GABRA3: variants seen among roughly 807,000 people sequenced by gnomAD.
GABRA3 encodes the protein gamma-aminobutyric acid type A receptor subunit alpha3.
A neutral mutation model predicts 30.1 loss-of-function variants in GABRA3; 10 were observed. That is an observed-to-expected ratio of 0.33 (90% CI 0.20 to 0.56). The LOEUF (loss-of-function observed/expected upper bound fraction) is 0.56, where lower values mean the gene tolerates loss of function less well. Ranked by LOEUF, GABRA3 falls within the 20% of genes least tolerant of loss-of-function variation. The probability of loss-of-function intolerance (pLI) is 0.89; values close to 1 mark genes in which losing one functional copy is unlikely to be tolerated. For synonymous variants in GABRA3, 151 were observed against 146.8 expected (o/e 1.03, Z -0.21); for missense variants, 233 against 392.0 (o/e 0.59, Z 3.42).
chrX:152,240,637 A>C (rs904632283), intron 5 of GABRA3, among the ~76,000 whole-genome samples: 3 of 98,184 alleles, frequency 3.1e-5, no homozygotes, highest in African/African-American at 1.3e-4. Flanking sequence ...TACATCAATC[A>C]GACGTAGATT....
chrX:152,447,006 T>A (rs1931104590), intron 1 of GABRA3, among the ~76,000 whole-genome samples: 1 of 111,816 alleles, frequency 8.9e-6, no homozygotes, highest in Admixed American at 9.5e-5. Flanking sequence ...TCTTCAAAGC[T>A]CATTTCAAAT....
At chrX:152,285,563 C>A (rs751715486) in intron 3 of GABRA3, among the ~76,000 whole-genome samples, 2 of 111,992 alleles carry the variant, frequency 1.8e-5, no homozygotes, top group East Asian at 5.6e-4. Context: ...TCTCATCACA[C>A]ACCACATATT....
chrX:152,253,512 C>T (rs1938589736), intron 5 of GABRA3, among the ~76,000 whole-genome samples: 1 of 111,824 alleles, frequency 8.9e-6, no homozygotes, highest in Admixed American at 9.5e-5. Context: ...CACAACTCCT[C>T]CTCTCTGTCA....
chrX:152,293,309 C>A (rs1389410749), intron 3 of GABRA3, among the ~76,000 whole-genome samples: 1 of 111,568 alleles, frequency 9.0e-6, no homozygotes, highest in Non-Finnish European at 1.9e-5. Context: ...TATGTAATGG[C>A]CTTCTTTGTC....
chrX:152,250,483 T>C (rs1406701118), intron 5 of GABRA3: 4 of 111,780 alleles, frequency 3.6e-5, no homozygotes, highest in African/African-American at 1.3e-4. Flanking sequence ...TTATGCAACA[T>C]TTATATACAA....
intron 9 of GABRA3, among the ~76,000 whole-genome samples, chrX:152,174,909 G>A (rs1195407939): frequency 8.9e-6 from 1 of 112,030 alleles, no homozygotes; most frequent in Non-Finnish European, 1.9e-5. Context: ...TTCTTCTGGG[G>A]TTTTTATGGT....
At chrX:152,347,487 G>A (rs1315927440) in intron 2 of GABRA3, among the ~76,000 whole-genome samples, 1 of 111,621 alleles carries the variant, frequency 9.0e-6, no homozygotes, top group Non-Finnish European at 1.9e-5. Context: ...TAATTGGATT[G>A]TTTTTAACAC....
intron 6 of GABRA3, among the ~76,000 whole-genome samples, chrX:152,218,243 T>C (rs1203781799): frequency 9.0e-6 from 1 of 110,552 alleles, no homozygotes; most frequent in Non-Finnish European, 1.9e-5. Context: ...AGGAGGGGAA[T>C]GTGTTGTTCG....
chrX:152,441,071 A>G (rs1930917654), intron 1 of GABRA3, among the ~76,000 whole-genome samples: 1 of 110,684 alleles, frequency 9.0e-6, no homozygotes, highest in Admixed American at 9.6e-5. Flanking sequence ...AATTGTAGGT[A>G]GAAGAAAAGA....
intron 4 of GABRA3, among the ~76,000 whole-genome samples, chrX:152,270,166 T>C (rs1010192560): frequency 9.0e-6 from 1 of 111,718 alleles, no homozygotes; most frequent in Non-Finnish European, 1.9e-5. Context: ...CCATGTGTCG[T>C]GGGAGGTAAT....
intron 1 of GABRA3, among the ~76,000 whole-genome samples, chrX:152,410,345 AT>A (rs1930039050): frequency 9.0e-6 from 1 of 111,359 alleles, no homozygotes; most frequent in Admixed American, 9.6e-5. Flanking sequence ...TTTATCGTGT[AT>A]TTTTAAATAA....
intron 1 of GABRA3, among the ~76,000 whole-genome samples, chrX:152,402,279 T>C (rs1025131365): frequency 8.9e-6 from 1 of 111,900 alleles, no homozygotes; most frequent in African/African-American, 3.3e-5. Context: ...CTTAAGCCAA[T>C]GCTTATCCCT....
intron 1 of GABRA3, among the ~76,000 whole-genome samples, chrX:152,385,980 GT>G (rs1423708185): frequency 9.1e-6 from 1 of 110,491 alleles, no homozygotes; most frequent in Non-Finnish European, 1.9e-5. Flanking sequence ...GTACCATGCT[GT>G]TTTGGTTACT....
chrX:152,314,163 G>T (rs754163244), intron 3 of GABRA3, among the ~76,000 whole-genome samples: 121 of 111,684 alleles, frequency 1.1e-3, no homozygotes, highest in African/African-American at 3.8e-3. Context: ...CACAATCAGA[G>T]TATTTGTCTT....
At chrX:152,190,094 A>G (rs1478912531) in intron 8 of GABRA3, among the ~76,000 whole-genome samples, 153 bp from the exon 9 acceptor site, 2 of 111,534 alleles carry the variant, frequency 1.8e-5, no homozygotes, top group African/African-American at 6.5e-5. Flanking sequence ...ACACTGGACT[A>G]TCAAATCTGA....
intron 5 of GABRA3, among the ~76,000 whole-genome samples, chrX:152,236,366 T>G (rs1237408577): frequency 4.9e-5 from 5 of 102,727 alleles, no homozygotes; most frequent in Admixed American, 1.1e-4. Flanking sequence ...GGTGTATATG[T>G]GCCACATTTT....
chrX:152,225,692 A>G (rs748074100), intron 5 of GABRA3, among the ~76,000 whole-genome samples: 1 of 100,674 alleles, frequency 9.9e-6, no homozygotes, highest in East Asian at 3.1e-4. Flanking sequence ...TTTTTTTTTT[A>G]TTTTTTTCAA....
chrX:152,318,430 A>G (rs191032254), intron 3 of GABRA3, among the ~76,000 whole-genome samples: 8 of 112,034 alleles, frequency 7.1e-5, no homozygotes, highest in African/African-American at 2.6e-4. Flanking sequence ...TATTGACACT[A>G]TTTAACAAGA....
rs191790197 is a variant in GABRA3 at position 152,312,968 on chromosome X, T to C, written c.263-28233A>G. Among the ~76,000 whole-genome samples the C allele has an allele frequency of 3.8e-4, 43 of 111,888 alleles. No individual in the cohort carries two copies. In the East Asian group the frequency reaches 0.011, roughly 29 times the overall value. ...ACTGGTGTGAGATGGTATTATATAC[T>C]GTATAAGGTAAACTTTATACAGTGC... On this transcript the variant is annotated intron_variant, in intron 3 of 9. Transcript: ENST00000370314.
Sources: allele counts gnomAD v4.1 joint callset (sites outside exome capture counted in the v4.1 genomes callset), GRCh38; gene constraint gnomAD v4.1.1; transcripts MANE v1.5; gene names NCBI Gene and HGNC (gene_info 2026-07-23, HGNC 2026-07-21).